MLXIPL: variants seen among roughly 807,000 people sequenced by gnomAD.
MLXIPL encodes carbohydrate-responsive element-binding protein.
In MLXIPL, 49 loss-of-function variants were observed where a neutral mutation model predicts 81.5. The observed-to-expected ratio is 0.60, with a 90% CI of 0.48 to 0.76. The LOEUF (loss-of-function observed/expected upper bound fraction) is 0.76, where lower values mean the gene tolerates loss of function less well. Among genes scored for constraint, MLXIPL ranks in the 30% least tolerant of loss-of-function variants. The probability of loss-of-function intolerance (pLI) is 0.00; values close to 1 mark genes in which losing one functional copy is unlikely to be tolerated. For missense variants in MLXIPL, 1,053 were observed against 1,167.0 expected, an observed-to-expected ratio of 0.90 and a Z score of 1.42; for synonymous variants, 466 against 485.5, an observed-to-expected ratio of 0.96 and a Z score of 0.53.
At chr7:73,603,331 G>A (rs952161674) in intron 7 of MLXIPL, among the ~76,000 whole-genome samples, 2 of 152,192 alleles carry the variant, frequency 1.3e-5, no homozygotes, top group African/African-American at 2.4e-5. Flanking sequence ...GCCAGACATC[G>A]CCTCCTAGCC....
At chr7:73,605,451 C>T (rs1795198795) in intron 7 of MLXIPL, among the ~76,000 whole-genome samples, 1 of 152,160 alleles carries the variant, frequency 6.6e-6, no homozygotes, top group Non-Finnish European at 1.5e-5. Flanking sequence ...GTCCCAGCTA[C>T]TCAGGAGGCT....
intron 1 of MLXIPL, among the ~76,000 whole-genome samples, chr7:73,619,885 G>A (rs1011442337): frequency 4.2e-5 from 6 of 143,210 alleles, no homozygotes; most frequent in East Asian, 2.2e-4. Context: ...AGCCAAGATC[G>A]CGCCACTGCA....
intron 8 of MLXIPL, among the ~76,000 whole-genome samples, chr7:73,598,125 C>CATCCATCCACTAACTTCACCA (rs1196350620): frequency 1.3e-5 from 2 of 151,996 alleles, no homozygotes; most frequent in African/African-American, 4.8e-5. Context: ...ATTCCTTCAT[C>CATCCATCCACTAACTTCACCA]ATCCATCCAC....
chr7:73,596,512 C>G lies in MLXIPL; in HGVS notation c.1823-33G>C. 6.2e-7 allele frequency: 1 copy of G among 1,612,020 alleles called. No individual in the cohort carries two copies. Among genetic ancestry groups the G allele is most frequent in the Non-Finnish European group, 8.5e-7 (1 of 1,179,490 alleles). ...AGGGACAGACAGACCCACAGAAAGACCGACCCAGGGGAAAGGGTCCCCATT... is the reference window on the plus strand; with the variant it reads ...AGGGACAGACAGACCCACAGAAAGAGCGACCCAGGGGAAAGGGTCCCCATT... On this transcript the variant is annotated intron_variant, in intron 11 of 16. Transcript: ENST00000313375. The surrounding 1 kb of genome is among the most constrained non-coding windows in gnomAD (Gnocchi z 4.7).
chr7:73,594,255 A>C lies in MLXIPL; in HGVS notation c.2440+19T>G. 1 of 1,611,348 alleles carries C rather than the reference A, an allele frequency of 6.2e-7. No homozygotes were observed. The highest frequency in any genetic ancestry group is 8.5e-7 in the Non-Finnish European group (1 of 1,179,996). ...CCGAGGCTGGGTCCCTCTAGCAGGC[A>C]GGGAGATGGCTCACGTACTTGGCCG... is the stretch of plus-strand genomic sequence containing the variant. On this transcript the variant is annotated intron_variant, in intron 16 of 16. Coordinates refer to ENST00000313375, the MANE Select transcript of MLXIPL (RefSeq NM_032951.3).
At chr7:73,644,605 C>G in the MLXIPL span, among the ~76,000 whole-genome samples, 1 of 152,124 alleles carries the variant, frequency 6.6e-6, no homozygotes, top group Non-Finnish European at 1.5e-5. Flanking sequence ...CCAGTGGTAC[C>G]TGGTAAATGT....
chr7:73,614,809 CTT>C (rs11307944), intron 2 of MLXIPL, among the ~76,000 whole-genome samples: 2,210 of 106,168 alleles, frequency 0.021, 38 homozygotes, highest in African/African-American at 0.062. Context: ...TTGTTTTGCC[CTT>C]TTTTTTTTTT....
At chr7:73,633,080 C>CTT in the MLXIPL span, among the ~76,000 whole-genome samples, 36,224 of 135,016 alleles carry the variant, frequency 0.27, 5,185 homozygotes, top group African/African-American at 0.32. Context: ...CCCACCCTAC[C>CTT]TTTTTTTTTT....
the MLXIPL span, among the ~76,000 whole-genome samples, chr7:73,635,533 T>TTCCATCCA: frequency 3.6e-4 from 55 of 151,366 alleles, no homozygotes; most frequent in Admixed American, 1.3e-3. Context: ...CCATCTCTTC[T>TTCCATCCA]TCCATCCATC....
the MLXIPL span, among the ~76,000 whole-genome samples, chr7:73,634,685 G>A: frequency 5.9e-5 from 9 of 151,946 alleles, no homozygotes; most frequent in Admixed American, 1.3e-4. Flanking sequence ...GTGAGCCACT[G>A]TGCCTGGCCA....
intron 15 of MLXIPL, 59 bp from the exon 16 acceptor site, chr7:73,594,462 C>T: frequency 6.3e-7 from 1 of 1,596,544 alleles, no homozygotes; most frequent in Non-Finnish European, 8.5e-7. Context: ...CCACGTGGAG[C>T]CCTGATGCCC....
the MLXIPL span, among the ~76,000 whole-genome samples, chr7:73,634,869 G>A: frequency 6.9e-6 from 1 of 144,182 alleles, no homozygotes; most frequent in African/African-American, 2.6e-5. Context: ...AGGCTGGAGT[G>A]CAGGGGCGGG....
intron 8 of MLXIPL, among the ~76,000 whole-genome samples, chr7:73,598,883 G>C (rs1554595170): frequency 6.6e-6 from 1 of 151,932 alleles, no homozygotes; most frequent in Non-Finnish European, 1.5e-5. Flanking sequence ...ACCTTGGGAG[G>C]CCGAGGCGGG....
chr7:73,620,638 G>A (rs1399710564), intron 1 of MLXIPL, among the ~76,000 whole-genome samples: 13 of 150,950 alleles, frequency 8.6e-5, no homozygotes, highest in Non-Finnish European at 1.6e-4. Flanking sequence ...AGCTACTCAG[G>A]AGGCTGAGGC....
chr7:73,628,768 A>G (rs942240675), upstream of MLXIPL, among the ~76,000 whole-genome samples: 33 of 152,252 alleles, frequency 2.2e-4, no homozygotes, highest in Admixed American at 2.2e-3. Context: ...CTCTGTTACT[A>G]TAGCCAGCAG....
intron 7 of MLXIPL, among the ~76,000 whole-genome samples, chr7:73,604,083 G>A (rs189349486): frequency 2.6e-5 from 4 of 152,064 alleles, no homozygotes; most frequent in Admixed American, 6.6e-5. Context: ...GGGTGTGGTG[G>A]CACATGCCTG....
At chr7:73,609,996 C>T (rs1795587210) in intron 2 of MLXIPL, 1 of 152,790 alleles carries the variant, frequency 6.5e-6, no homozygotes, top group African/African-American at 2.4e-5. Flanking sequence ...TTTTCACTGA[C>T]TCCTTTGCAA....
At chr7:73,624,152 C>A (rs563684070) in intron 1 of MLXIPL, 48 bp downstream of exon 1, 44 of 1,467,958 alleles carry the variant, frequency 3.0e-5, no homozygotes, top group Middle Eastern at 2.5e-4. Context: ...ACCCCCCCCC[C>A]ATCCCCACCT....
rs546600176 is a variant in MLXIPL, at chr7:73,616,720, C to T, written c.294-543G>A. Reference sequence around the variant, plus strand: ...AAAATTAGCTGGCTGTGGTGGCGCACACCTGTAATCCCAGCTACTCAGGAG... The same window carrying T: ...AAAATTAGCTGGCTGTGGTGGCGCATACCTGTAATCCCAGCTACTCAGGAG... On this transcript the variant is annotated intron_variant, in intron 1 of 16. Coordinates refer to ENST00000313375, the MANE Select transcript of MLXIPL (RefSeq NM_032951.3). Among the ~76,000 whole-genome samples, 5 of 152,044 alleles carry T rather than the reference C, an allele frequency of 3.3e-5. No homozygotes were observed. The South Asian group carries it at 1.0e-3, about 32-fold the overall frequency.
Sources: allele counts gnomAD v4.1 joint callset (sites outside exome capture counted in the v4.1 genomes callset), GRCh38; gene constraint gnomAD v4.1.1; non-coding constraint Gnocchi (gnomAD v3.1); transcripts MANE v1.5; gene names NCBI Gene and HGNC (gene_info 2026-07-23, HGNC 2026-07-21).